Variants in ABTB2 observed in about 807,000 individuals in gnomAD.
ABTB2 encodes ankyrin repeat and BTB domain containing 2.
Under a neutral mutation model 104.1 loss-of-function variants are expected in ABTB2, and 56 were observed. The observed-to-expected ratio is 0.54, with a 90% CI of 0.43 to 0.67. The LOEUF (loss-of-function observed/expected upper bound fraction) is 0.67, where lower values mean the gene tolerates loss of function less well. ABTB2 is among the 30% of genes least tolerant of loss of function. The pLI, the probability that ABTB2 is intolerant of heterozygous loss-of-function variation, is 0.00. For synonymous variants in ABTB2, 606 were observed against 608.2 expected, an observed-to-expected ratio of 1.00 and a Z score of 0.05; for missense variants, 1,279 against 1,407.7, an observed-to-expected ratio of 0.91 and a Z score of 1.46.
At chr11:34,215,459 T>C (rs1052731927) in intron 1 of ABTB2, among the ~76,000 whole-genome samples, 2 of 152,250 alleles carry the variant, frequency 1.3e-5, no homozygotes, top group African/African-American at 2.4e-5. Context: ...TCAGAGAATA[T>C]TCATCAGAGA....
intron 1 of ABTB2, among the ~76,000 whole-genome samples, chr11:34,304,155 C>A (rs908784547): frequency 6.6e-6 from 1 of 152,162 alleles, no homozygotes; most frequent in African/African-American, 2.4e-5. Context: ...ATGCTATCTG[C>A]CCATTGGTGT....
At chr11:34,325,482 C>G (rs937510415) in intron 1 of ABTB2, among the ~76,000 whole-genome samples, 1 of 152,212 alleles carries the variant, frequency 6.6e-6, no homozygotes, top group African/African-American at 2.4e-5. Context: ...TGCAGATAAT[C>G]ATAGCACCAA....
intron 1 of ABTB2, among the ~76,000 whole-genome samples, chr11:34,229,352 G>A (rs1349482048): frequency 6.6e-6 from 1 of 151,094 alleles, no homozygotes; most frequent in Non-Finnish European, 1.5e-5. Context: ...GTGGTGGCGG[G>A]CGCCTGTAGT....
At chr11:34,342,078 G>A (rs1271588831) in intron 1 of ABTB2, among the ~76,000 whole-genome samples, 11 of 152,168 alleles carry the variant, frequency 7.2e-5, no homozygotes, top group Admixed American at 7.2e-4. Flanking sequence ...ACTCTCCAAG[G>A]TATCATAAAT....
At chr11:34,236,865 G>A (rs940812576) in intron 1 of ABTB2, among the ~76,000 whole-genome samples, 1 of 152,208 alleles carries the variant, frequency 6.6e-6, no homozygotes, top group Non-Finnish European at 1.5e-5. Flanking sequence ...AGCCATCTGG[G>A]AACCCTCAGG....
intron 10 of ABTB2, 30 bp from the exon 11 acceptor site, chr11:34,161,111 A>G: frequency 6.3e-7 from 1 of 1,580,190 alleles, no homozygotes; most frequent in Non-Finnish European, 8.6e-7. Flanking sequence ...GCAGGCAGTC[A>G]CGCACCACAG....
chr11:34,158,522 C>T (rs1852662436), intron 14 of ABTB2, among the ~76,000 whole-genome samples: 1 of 152,220 alleles, frequency 6.6e-6, no homozygotes, highest in Non-Finnish European at 1.5e-5. Context: ...AGGGCAAGGC[C>T]CTAGACCCAC....
intron 1 of ABTB2, among the ~76,000 whole-genome samples, chr11:34,318,166 G>A (rs557867436): frequency 1.4e-4 from 22 of 152,090 alleles, no homozygotes; most frequent in East Asian, 1.2e-3. Context: ...ACAAGCTTTC[G>A]CCACATTGGC....
chr11:34,249,620 G>C (rs754130042), intron 1 of ABTB2, among the ~76,000 whole-genome samples: 2 of 152,196 alleles, frequency 1.3e-5, no homozygotes, highest in African/African-American at 2.4e-5. Context: ...CTAACTCGGA[G>C]CTTTGTCCCA....
intron 1 of ABTB2, among the ~76,000 whole-genome samples, chr11:34,341,908 C>CA: frequency 6.6e-6 from 1 of 152,192 alleles, no homozygotes; most frequent in Middle Eastern, 3.2e-3. Flanking sequence ...ATTTTCCTCC[C>CA]TTTAAGGAAA....
chr11:34,184,628 C>T (rs549819230), intron 3 of ABTB2, among the ~76,000 whole-genome samples: 1 of 152,364 alleles, frequency 6.6e-6, no homozygotes, highest in South Asian at 2.1e-4. Flanking sequence ...AGGACATCTG[C>T]CTCATTTCTC....
intron 1 of ABTB2, among the ~76,000 whole-genome samples, chr11:34,326,491 G>A (rs2133114295): frequency 6.6e-6 from 1 of 152,182 alleles, no homozygotes; most frequent in East Asian, 1.9e-4. Context: ...TTAGTTAGGT[G>A]TGGTGGCACA....
At chr11:34,344,510 G>A (rs1046624748) in intron 1 of ABTB2, among the ~76,000 whole-genome samples, 2 of 152,062 alleles carry the variant, frequency 1.3e-5, no homozygotes, top group Admixed American at 6.5e-5. Flanking sequence ...TTTGTTTTTC[G>A]GAGACAGGGT....
At chr11:34,198,460 A>AC (rs140373883) in intron 2 of ABTB2, among the ~76,000 whole-genome samples, 13,868 of 151,326 alleles carry the variant, frequency 0.092, 795 homozygotes, top group African/African-American at 0.16. Context: ...ACAACAAAAA[A>AC]AAACAAAAAC....
chr11:34,273,786 A>C (rs1025940382), intron 1 of ABTB2, among the ~76,000 whole-genome samples: 4 of 152,204 alleles, frequency 2.6e-5, no homozygotes, highest in Non-Finnish European at 5.9e-5. Context: ...TGACTGCATC[A>C]TGGGCATCAC....
In ABTB2 at chr11:34,357,240, C is replaced by T; in HGVS notation, c.344G>A (p.Arg115Gln). Residue 115 changes from arginine (R) to glutamine (Q), a missense_variant, in exon 1 of 17, where the codon CGG becomes CAG. Arg to Gln is a conservative substitution (Grantham distance 43, BLOSUM62 1). Transcript: ENST00000435224. ...ARVLRKGAGG[R>Q]RLPQFSAEAV... The stretch of plus-strand genomic sequence containing the variant: ...CTCGGCGGAGAACTGGGGCAGCCGC[C>T]GGCCGCCAGCGCCTTTGCGGAGCAC... The T allele has an allele frequency of 6.7e-6, 10 of 1,498,732 alleles. No individual in the cohort carries two copies. Among genetic ancestry groups the T allele is most frequent in the Non-Finnish European group, 8.9e-6 (10 of 1,129,938 alleles). 92.8% of individuals were successfully genotyped at this position (1,498,732 alleles called of 1,614,324 possible). A position where few individuals can be genotyped will look rare whatever the true frequency, so the allele number is the denominator to read the frequency against.
intron 1 of ABTB2, among the ~76,000 whole-genome samples, chr11:34,293,750 A>G (rs1426609309): frequency 6.6e-6 from 1 of 151,750 alleles, no homozygotes; most frequent in East Asian, 1.9e-4. Flanking sequence ...CTCAAGATGG[A>G]GTCTTCCTCT....
At position 34,277,761 on chromosome 11, in the gene ABTB2, C is replaced by G. The variant is rs559126879; in HGVS notation, c.884-73071G>C. Among the ~76,000 whole-genome samples, 320 of 150,030 alleles carry G rather than the reference C, an allele frequency of 2.1e-3. 1 individual carries two copies. The highest frequency in any genetic ancestry group is 7.5e-3 in the African/African-American group (305 of 40,814). ...CCAGCCTGGGTGACAGAGCAAGACT[C>G]TGTCTCAAAAACAAAATGAAACAAA... On this transcript the variant is annotated intron_variant, in intron 1 of 16. Coordinates refer to ENST00000435224, the MANE Select transcript of ABTB2 (RefSeq NM_145804.3).
intron 1 of ABTB2, among the ~76,000 whole-genome samples, chr11:34,237,012 A>G (rs148549911): frequency 1.2e-4 from 18 of 152,342 alleles, no homozygotes; most frequent in African/African-American, 4.1e-4. Context: ...CAAGCTGTTT[A>G]GAAGTATTTT....
Sources: gnomAD v4.1 joint callset for allele counts (sites outside exome capture counted in the v4.1 genomes callset) on GRCh38, gnomAD v4.1.1 for gene constraint, MANE v1.5 for transcripts, NCBI Gene and HGNC (gene_info 2026-07-23, HGNC 2026-07-21) for gene names.